Variants in MINDY4 observed in about 807,000 individuals in gnomAD.
MINDY4 encodes probable ubiquitin carboxyl-terminal hydrolase MINDY-4.
MINDY4 carries 68 observed loss-of-function variants against 87.0 expected under a neutral mutation model. The ratio of observed to expected loss-of-function variants is 0.78; its 90% CI spans 0.64 to 0.96. The LOEUF (loss-of-function observed/expected upper bound fraction) is 0.96, where lower values mean the gene tolerates loss of function less well. MINDY4 is among the 40% of genes least tolerant of loss of function. The probability of loss-of-function intolerance (pLI) is 0.00; values close to 1 mark genes in which losing one functional copy is unlikely to be tolerated. For synonymous variants in MINDY4, 379 were observed against 363.2 expected (o/e 1.04, Z -0.50); for missense variants, 919 against 928.2 (o/e 0.99, Z 0.13).
At chr7:30,823,735 G>T (rs1021406241) in intron 5 of MINDY4, among the ~76,000 whole-genome samples, 2 of 152,018 alleles carry the variant, frequency 1.3e-5, no homozygotes, top group African/African-American at 2.4e-5. Flanking sequence ...TGCTGTGTCT[G>T]TTGGCTTTCA....
intron 5 of MINDY4, among the ~76,000 whole-genome samples, chr7:30,828,097 C>T (rs749699561): frequency 6.6e-6 from 1 of 152,108 alleles, no homozygotes; most frequent in Non-Finnish European, 1.5e-5. Flanking sequence ...TAAGAAAGCT[C>T]TGTGTGCACA....
Position 30,791,218 on chromosome 7 carries a change from C to G in MINDY4, c.717C>G (p.Thr239=), listed in dbSNP as rs1192989140. The part of the protein sequence containing the change: ...LRRSSPSSSS[T]QPQEESRKVP... ...GGTCCTCACCGTCAAGCAGCTCCAC[C>G]CAACCCCAAGAAGAGAGCCGGAAGG... Residue 239 remains threonine (T), a synonymous_variant, in exon 5 of 18, where the codon ACC becomes ACG. Transcript: ENST00000265299. The G allele has an allele frequency of 2.5e-6, 4 of 1,614,026 alleles. No individual in the cohort carries two copies. Among genetic ancestry groups the G allele is most frequent in the Non-Finnish European group, 3.4e-6 (4 of 1,180,032 alleles).
intron 11 of MINDY4, among the ~76,000 whole-genome samples, chr7:30,852,867 G>T (rs1333137539): frequency 6.6e-6 from 1 of 152,204 alleles, no homozygotes; most frequent in South Asian, 2.1e-4. Context: ...GTTTGGGCAC[G>T]TGTTGCCCTG....
At position 30,778,132 on chromosome 7, in the gene MINDY4, T is replaced by C. The variant is rs557316790; in HGVS notation, c.64-300T>C. Among the ~76,000 whole-genome samples the C allele has an allele frequency of 1.3e-3, 203 of 152,330 alleles. 1 individual carries two copies. Among genetic ancestry groups the C allele is most frequent in the African/African-American group, 4.5e-3 (187 of 41,564 alleles). ...AGCCTTTTGTTTACATTTTTTCTTT[T>C]GTTTAATTTTAAAGCTTCATATACT... On this transcript the variant is annotated intron_variant, in intron 1 of 17. Coordinates refer to ENST00000265299, the MANE Select transcript of MINDY4 (RefSeq NM_032222.3).
At chr7:30,815,618 G>A (rs975751180) in intron 5 of MINDY4, among the ~76,000 whole-genome samples, 1 of 152,184 alleles carries the variant, frequency 6.6e-6, no homozygotes, top group African/African-American at 2.4e-5. Flanking sequence ...GGCCAGAGTG[G>A]TTACTCAATG....
At position 30,872,254 on chromosome 7, in the gene MINDY4, A is replaced by G. The variant is rs1394989859; in HGVS notation, c.1757A>G (p.Asp586Gly). Residue 586 changes from aspartate (D) to glycine (G), a missense_variant, in exon 14 of 18, where the codon GAC becomes GGC. Physicochemically the swap from Asp to Gly is moderately conservative, Grantham distance 94. Transcript: ENST00000265299. ...CTTGTGTTTTCCAGCATCCGCCAGG[A>G]CTTTGATGTCCCCACCAGCCACCTG... ...LSRSTELIRQ[D>G]FDVPTSHLIG... is the part of the protein sequence containing the mutation. The G allele has an allele frequency of 6.2e-7, 1 of 1,613,960 alleles. No homozygotes were observed. Among genetic ancestry groups the G allele is most frequent in the Admixed American group, 1.7e-5 (1 of 60,006 alleles).
At chr7:30,774,330 C>T (rs1786738604) in intron 1 of MINDY4, among the ~76,000 whole-genome samples, 1 of 152,184 alleles carries the variant, frequency 6.6e-6, no homozygotes, top group Non-Finnish European at 1.5e-5. Context: ...GATGAATTCT[C>T]CATACCCCTG....
chr7:30,881,519 C>T (rs575387331), intron 15 of MINDY4, among the ~76,000 whole-genome samples: 4 of 152,244 alleles, frequency 2.6e-5, no homozygotes, highest in East Asian at 1.9e-4. Flanking sequence ...TTGTCTTTAC[C>T]GTGCAGTTCT....
At chr7:30,825,062 G>A (rs956788168) in intron 5 of MINDY4, among the ~76,000 whole-genome samples, 1 of 152,178 alleles carries the variant, frequency 6.6e-6, no homozygotes, top group African/African-American at 2.4e-5. Context: ...TGGCCCCCAT[G>A]AATTTATTAG....
intron 9 of MINDY4, among the ~76,000 whole-genome samples, chr7:30,846,947 G>A (rs7792019): frequency 1.3e-5 from 2 of 152,072 alleles, no homozygotes; most frequent in South Asian, 4.1e-4. Context: ...CTCGTCCGCT[G>A]CTCACCTCCT....
intron 10 of MINDY4, among the ~76,000 whole-genome samples, chr7:30,851,652 G>A (rs1380152159): frequency 6.6e-6 from 1 of 152,152 alleles, no homozygotes; most frequent in South Asian, 2.1e-4. Context: ...GAACAGATGG[G>A]GCAGGAATTC....
At chr7:30,847,765 G>T (rs1021777598) in intron 9 of MINDY4, among the ~76,000 whole-genome samples, 14 of 152,002 alleles carry the variant, frequency 9.2e-5, no homozygotes, top group African/African-American at 4.8e-5. Flanking sequence ...TTAGAGACAG[G>T]GTATCACTCT....
intron 1 of MINDY4, among the ~76,000 whole-genome samples, chr7:30,773,895 C>T (rs771832984): frequency 2.0e-5 from 3 of 152,204 alleles, no homozygotes; most frequent in Non-Finnish European, 2.9e-5. Flanking sequence ...CTCTCACCCA[C>T]CCATCCTTAT....
chr7:30,786,655 A>G, intron 4 of MINDY4: 1 of 151,922 alleles, frequency 6.6e-6, no homozygotes, highest in South Asian at 2.1e-4. Context: ...AAAGGAAAAA[A>G]CAGCATCTTT....
chr7:30,787,185 G>A (rs1441513399), intron 4 of MINDY4, among the ~76,000 whole-genome samples: 1 of 152,184 alleles, frequency 6.6e-6, no homozygotes, highest in Non-Finnish European at 1.5e-5. Context: ...GCCCCTTAGG[G>A]CTCTGGGATT....
intron 3 of MINDY4, 130 bp downstream of exon 3, chr7:30,782,342 TTGTGTGTGTGTG>T (rs56380069): frequency 5.2e-6 from 3 of 578,060 alleles, no homozygotes; most frequent in Non-Finnish European, 8.9e-6. Flanking sequence ...GTGTGTATGT[TTGTGTGTGTGTG>T]TGTGTGTGTG....
rs58498956 is a variant in MINDY4, at chr7:30,810,174, CAAAAAAAAAAAA to C, written c.1074-18493_1074-18482del. On this transcript the variant is annotated intron_variant, in intron 5 of 17. Coordinates refer to ENST00000265299, the MANE Select transcript of MINDY4 (RefSeq NM_032222.3). ...TGGGCGACAGAGCAAGACTCTGTTTCAAAAAAAAAAAAAAAAAAAAAAAGAAATGTTTATAAT... is the reference window on the plus strand; with the variant it reads ...TGGGCGACAGAGCAAGACTCTGTTTCAAAAAAAAAAAGAAATGTTTATAAT... Among the ~76,000 whole-genome samples the C allele has an allele frequency of 1.6e-3, 104 of 66,720 alleles. 1 individual carries two copies. The East Asian group carries it at 0.04, about 26-fold the overall frequency. The allele number at this position is 66,720 out of a possible 152,430, so 43.8% of individuals were successfully genotyped here. A position where few individuals can be genotyped will look rare whatever the true frequency, so the allele number is the denominator to read the frequency against.
intron 5 of MINDY4, among the ~76,000 whole-genome samples, chr7:30,805,019 C>A (rs1230718570): frequency 6.6e-6 from 1 of 152,202 alleles, no homozygotes; most frequent in East Asian, 1.9e-4. Flanking sequence ...AAGAGCCAGA[C>A]CTTCTTCTCT....
chr7:30,838,239 C>T (rs537958202), intron 7 of MINDY4, among the ~76,000 whole-genome samples: 10 of 152,184 alleles, frequency 6.6e-5, no homozygotes, highest in African/African-American at 1.7e-4. Flanking sequence ...GAGGGTGATG[C>T]GTGGGTTGAT....
Sources: gnomAD v4.1 joint callset for allele counts (sites outside exome capture counted in the v4.1 genomes callset) on GRCh38, gnomAD v4.1.1 for gene constraint, MANE v1.5 for transcripts, NCBI Gene and HGNC (gene_info 2026-07-23, HGNC 2026-07-21) for gene names.